LRRC4C: variants seen among roughly 807,000 people sequenced by gnomAD.
LRRC4C encodes the protein leucine-rich repeat-containing protein 4C.
In LRRC4C, 5 loss-of-function variants were observed where a neutral mutation model predicts 33.6. The ratio of observed to expected loss-of-function variants is 0.15; its 90% confidence interval spans 0.08 to 0.31. The LOEUF (loss-of-function observed/expected upper bound fraction) is 0.31. LRRC4C is among the 10% of genes least tolerant of loss of function. The pLI is 1.00. For missense variants in LRRC4C, 560 were observed against 796.7 expected, an observed-to-expected ratio of 0.70 and a Z score of 3.58; for synonymous variants, 329 against 302.0, an observed-to-expected ratio of 1.09 and a Z score of -0.93.
intron 5 of LRRC4C, among the ~76,000 whole-genome samples, chr11:40,209,058 C>T (rs981107077): frequency 6.6e-6 from 1 of 151,658 alleles, no homozygotes; most frequent in African/African-American, 2.4e-5. Flanking sequence ...GATTGTGCAC[C>T]TGTATCCCGG....
At chr11:40,209,574 GCT>G (rs1255118363) in intron 5 of LRRC4C, among the ~76,000 whole-genome samples, 1 of 151,926 alleles carries the variant, frequency 6.6e-6, no homozygotes, top group East Asian at 1.9e-4. Flanking sequence ...ATGGAGTCTC[GCT>G]CTGTCACCCA....
chr11:40,389,803 A>C (rs1324575699), intron 3 of LRRC4C, among the ~76,000 whole-genome samples: 2 of 152,304 alleles, frequency 1.3e-5, no homozygotes, highest in South Asian at 4.1e-4. Flanking sequence ...TGAAGTTGTT[A>C]TAAGTAGCTG....
intron 3 of LRRC4C, among the ~76,000 whole-genome samples, chr11:40,334,138 A>G (rs1038431472): frequency 6.6e-6 from 1 of 152,172 alleles, no homozygotes; most frequent in African/African-American, 2.4e-5. Context: ...TTTAGTATGT[A>G]TACAGAGGAT....
intron 1 of LRRC4C, among the ~76,000 whole-genome samples, chr11:41,092,158 C>T (rs1003645803): frequency 6.6e-6 from 1 of 151,618 alleles, no homozygotes; most frequent in Non-Finnish European, 1.5e-5. Context: ...TTGAATATTG[C>T]CATTTTTTGT....
intron 3 of LRRC4C, among the ~76,000 whole-genome samples, chr11:40,627,951 C>A (rs965184861): frequency 6.6e-6 from 1 of 152,052 alleles, no homozygotes; most frequent in African/African-American, 2.4e-5. Context: ...GGCACCCTAC[C>A]GAATTGTAAT....
chr11:40,416,002 T>A (rs954658491), intron 3 of LRRC4C, among the ~76,000 whole-genome samples: 1 of 152,208 alleles, frequency 6.6e-6, no homozygotes, highest in South Asian at 2.1e-4. Flanking sequence ...CTATGCAATA[T>A]AAAGATTATG....
intron 2 of LRRC4C, among the ~76,000 whole-genome samples, chr11:40,677,357 G>A (rs1479117357): frequency 6.6e-6 from 1 of 152,154 alleles, no homozygotes; most frequent in African/African-American, 2.4e-5. Context: ...CAGCACTCCA[G>A]CCTGGGTGGC....
chr11:41,185,822 A>T (rs1274892694), intron 1 of LRRC4C, among the ~76,000 whole-genome samples: 1 of 152,172 alleles, frequency 6.6e-6, no homozygotes, highest in Non-Finnish European at 1.5e-5. Context: ...AAAGACCAAC[A>T]GATTTGAATA....
At chr11:40,632,649 C>T (rs1017232157) in intron 3 of LRRC4C, among the ~76,000 whole-genome samples, 4 of 152,174 alleles carry the variant, frequency 2.6e-5, no homozygotes, top group African/African-American at 9.7e-5. Context: ...AGGGAACGCT[C>T]ACAAAACCTC....
intron 2 of LRRC4C, among the ~76,000 whole-genome samples, chr11:40,901,659 T>C (rs1358696879): frequency 6.6e-6 from 1 of 151,948 alleles, no homozygotes; most frequent in Non-Finnish European, 1.5e-5. Flanking sequence ...CTTGTCAGAA[T>C]ACAGGGATAA....
chr11:41,299,356 G>C (rs754488837), intron 1 of LRRC4C, among the ~76,000 whole-genome samples: 6 of 151,982 alleles, frequency 3.9e-5, no homozygotes, highest in African/African-American at 1.4e-4. Flanking sequence ...TTTCATTAAG[G>C]TTACATTGCA....
chr11:41,130,657 G>A (rs971308726), intron 1 of LRRC4C, among the ~76,000 whole-genome samples: 4 of 151,956 alleles, frequency 2.6e-5, no homozygotes, highest in African/African-American at 4.8e-5. Context: ...AGAAAAAAAT[G>A]CATAAATATA....
At chr11:40,572,175 AAATATT>A (rs1304183059) in intron 3 of LRRC4C, among the ~76,000 whole-genome samples, 15 of 152,190 alleles carry the variant, frequency 9.9e-5, no homozygotes, top group African/African-American at 2.7e-4. Flanking sequence ...ACTTTTTAAA[AAATATT>A]GTAAAAATGG....
chr11:41,122,996 A>AT (rs1369425770), intron 1 of LRRC4C: 2 of 152,156 alleles, frequency 1.3e-5, no homozygotes, highest in African/African-American at 4.8e-5. Flanking sequence ...TTTAGTACGT[A>AT]TTCAGCCTAA....
chr11:40,451,905 C>G (rs1442370863), intron 3 of LRRC4C, among the ~76,000 whole-genome samples: 1 of 152,084 alleles, frequency 6.6e-6, no homozygotes, highest in Non-Finnish European at 1.5e-5. Flanking sequence ...ACTGAGGTAC[C>G]AGGTTCATCT....
chr11:40,722,563 C>A (rs1313666723), intron 2 of LRRC4C, among the ~76,000 whole-genome samples: 1 of 152,182 alleles, frequency 6.6e-6, no homozygotes, highest in African/African-American at 2.4e-5. Context: ...TGCAGTCAAA[C>A]ACTCGAAGAA....
chr11:40,275,977 G>A (rs767232268), intron 4 of LRRC4C, among the ~76,000 whole-genome samples: 1 of 152,084 alleles, frequency 6.6e-6, no homozygotes, highest in Non-Finnish European at 1.5e-5. Flanking sequence ...TGCAAAACAG[G>A]ATATTGGAAA....
intron 1 of LRRC4C, among the ~76,000 whole-genome samples, chr11:41,132,100 C>T (rs1287340432): frequency 2.6e-5 from 4 of 152,138 alleles, no homozygotes; most frequent in Admixed American, 1.3e-4. Context: ...GGGCTTGCCC[C>T]GAATTCTTTC....
chr11:40,802,415 C>A (rs578202567), intron 2 of LRRC4C, among the ~76,000 whole-genome samples: 29 of 151,328 alleles, frequency 1.9e-4, no homozygotes, highest in African/African-American at 6.8e-4. Flanking sequence ...AACAGGGGTC[C>A]ACATATACTG....
Sources: gnomAD v4.1 joint callset for allele counts (sites outside exome capture counted in the v4.1 genomes callset) on GRCh38, gnomAD v4.1.1 for gene constraint, MANE v1.5 for transcripts, NCBI Gene and HGNC (gene_info 2026-07-23, HGNC 2026-07-21) for gene names.